DACH2: variants seen among roughly 807,000 people sequenced by gnomAD.
The protein encoded by DACH2 is dachshund family transcription factor 2, also known as dachshund homolog 2.
A neutral mutation model predicts 35.8 loss-of-function variants in DACH2; 17 were observed. The observed-to-expected ratio is 0.48, with a 90% CI of 0.33 to 0.71. DACH2 has a LOEUF of 0.71. DACH2 is among the 30% of genes least tolerant of loss of function. The pLI is 0.02. For missense variants in DACH2, 469 were observed against 472.7 expected (o/e 0.99, Z 0.07); for synonymous variants, 195 against 177.3 (o/e 1.10, Z -0.79).
intron 2 of DACH2, among the ~76,000 whole-genome samples, chrX:86,450,085 G>T (rs1354683439): frequency 9.0e-6 from 1 of 110,689 alleles, no homozygotes; most frequent in African/African-American, 3.3e-5. Flanking sequence ...TTTATTTTAA[G>T]TTCTGGGGTA....
chrX:86,534,150 T>C (rs2038762858), intron 3 of DACH2, among the ~76,000 whole-genome samples: 1 of 111,998 alleles, frequency 8.9e-6, no homozygotes, highest in Non-Finnish European at 1.9e-5. Context: ...CTTTGCAGTA[T>C]TCCATGACGA....
At chrX:86,279,326 A>G in intron 1 of DACH2, among the ~76,000 whole-genome samples, 1 of 112,000 alleles carries the variant, frequency 8.9e-6, no homozygotes, top group Non-Finnish European at 1.9e-5. Context: ...CCCCTCTGGG[A>G]TGAAGCTTCC....
intron 1 of DACH2, among the ~76,000 whole-genome samples, chrX:86,313,718 A>T (rs1380880178): frequency 8.9e-6 from 1 of 111,968 alleles, no homozygotes; most frequent in Non-Finnish European, 1.9e-5. Flanking sequence ...CATATGATCC[A>T]TTAGCAACTT....
intron 1 of DACH2, among the ~76,000 whole-genome samples, chrX:86,335,828 G>T (rs994240761): frequency 1.9e-4 from 21 of 111,934 alleles, no homozygotes; most frequent in African/African-American, 5.8e-4. Flanking sequence ...TCTTGTGCTG[G>T]TTGTCATAGG....
intron 4 of DACH2, among the ~76,000 whole-genome samples, chrX:86,667,935 C>T (rs2040718975): frequency 8.9e-6 from 1 of 111,916 alleles, no homozygotes; most frequent in African/African-American, 3.2e-5. Context: ...AGACATTCAG[C>T]AATGTCTTCC....
intron 4 of DACH2, among the ~76,000 whole-genome samples, chrX:86,664,542 T>A (rs2040644596): frequency 8.9e-6 from 1 of 111,828 alleles, no homozygotes; most frequent in African/African-American, 3.3e-5. Context: ...AACAAATACA[T>A]CACTTGCATG....
At chrX:86,479,908 C>T (rs2037911678) in intron 2 of DACH2, among the ~76,000 whole-genome samples, 1 of 112,497 alleles carries the variant, frequency 8.9e-6, no homozygotes, top group Non-Finnish European at 1.9e-5. Flanking sequence ...TGAGTTTCCT[C>T]AAAACAACTA....
intron 7 of DACH2, among the ~76,000 whole-genome samples, chrX:86,773,196 T>C (rs1030471331): frequency 8.9e-6 from 1 of 112,232 alleles, no homozygotes; most frequent in African/African-American, 3.2e-5. Context: ...GTTCCTGTTT[T>C]TACTGGCAAC....
chrX:86,481,900 C>T (rs773979774), intron 2 of DACH2: 7 of 112,334 alleles, frequency 6.2e-5, no homozygotes, highest in Non-Finnish European at 1.1e-4. Context: ...CATGCAATAG[C>T]ATGAATTATT....
chrX:86,812,394 A>G (rs2042402973), intron 7 of DACH2, among the ~76,000 whole-genome samples: 1 of 111,817 alleles, frequency 8.9e-6, no homozygotes, highest in South Asian at 3.7e-4. Flanking sequence ...CAACTCTAGA[A>G]ATTTACTAAA....
At chrX:86,201,370 G>A (rs949556562) in intron 1 of DACH2, among the ~76,000 whole-genome samples, 1 of 110,265 alleles carries the variant, frequency 9.1e-6, no homozygotes, top group East Asian at 2.8e-4. Flanking sequence ...TAAATAATCT[G>A]TACAGCACAC....
chrX:86,829,575 G>A (rs1010096167), intron 11 of DACH2: 1 of 111,454 alleles, frequency 9.0e-6, no homozygotes, highest in African/African-American at 3.3e-5. Context: ...ATACCACAGG[G>A]CAAGTCTCAC....
At chrX:86,526,446 A>T (rs769787332) in intron 3 of DACH2, among the ~76,000 whole-genome samples, 19 of 111,646 alleles carry the variant, frequency 1.7e-4, no homozygotes, top group African/African-American at 5.2e-4. Context: ...AGTGGTGAAA[A>T]TGTTTTCTTG....
intron 1 of DACH2, among the ~76,000 whole-genome samples, chrX:86,373,145 G>A (rs1163480274): frequency 9.0e-6 from 1 of 110,678 alleles, no homozygotes; most frequent in Non-Finnish European, 1.9e-5. Context: ...ACAAGTTCAT[G>A]TGTGTTTTTG....
At chrX:86,630,417 T>C (rs185774474) in intron 3 of DACH2, among the ~76,000 whole-genome samples, 173 of 105,149 alleles carry the variant, frequency 1.6e-3, no homozygotes, top group African/African-American at 5.8e-3. Context: ...CATATATATA[T>C]ACACACATAT....
At chrX:86,297,595 C>T (rs1365607263) in intron 1 of DACH2, among the ~76,000 whole-genome samples, 2 of 111,948 alleles carry the variant, frequency 1.8e-5, no homozygotes, top group African/African-American at 6.5e-5. Flanking sequence ...TACTCTACTA[C>T]AGGTGAATCA....
chrX:86,695,244 A>G, intron 5 of DACH2, 65 bp downstream of exon 5: 4 of 875,721 alleles, frequency 4.6e-6, no homozygotes, highest in Non-Finnish European at 5.8e-6. Flanking sequence ...CCTACTAGAA[A>G]CCTTTGGCTG....
chrX:86,275,038 T>G (rs1275909612), intron 1 of DACH2, among the ~76,000 whole-genome samples: 1 of 111,770 alleles, frequency 8.9e-6, no homozygotes, highest in East Asian at 2.8e-4. Context: ...CACTTGACTT[T>G]TGCACATTTC....
intron 7 of DACH2, among the ~76,000 whole-genome samples, chrX:86,812,237 A>C (rs913068129): frequency 8.9e-6 from 1 of 112,018 alleles, no homozygotes; most frequent in Non-Finnish European, 1.9e-5. Flanking sequence ...TATATGAAAC[A>C]TTCAGAAAAG....
Sources: gnomAD v4.1 joint callset for allele counts (sites outside exome capture counted in the v4.1 genomes callset) on GRCh38, gnomAD v4.1.1 for gene constraint, MANE v1.5 for transcripts, NCBI Gene and HGNC (gene_info 2026-07-23, HGNC 2026-07-21) for gene names.